Variants in SYT9 observed in about 807,000 individuals in gnomAD.
SYT9 encodes synaptotagmin 9, also known as synaptotagmin-9.
SYT9 carries 22 observed loss-of-function variants against 48.4 expected under a neutral mutation model. The ratio of observed to expected loss-of-function variants is 0.45; its 90% CI spans 0.32 to 0.65. The LOEUF is 0.65. Ranked by LOEUF, SYT9 falls within the 30% of genes least tolerant of loss-of-function variation. The pLI, the probability that SYT9 is intolerant of heterozygous loss-of-function variation, is 0.03. For synonymous variants in SYT9, 265 were observed against 245.0 expected, an observed-to-expected ratio of 1.08 and a Z score of -0.76; for missense variants, 577 against 622.0, an observed-to-expected ratio of 0.93 and a Z score of 0.77.
At chr11:7,308,779 C>T (rs1273735152) in intron 2 of SYT9, among the ~76,000 whole-genome samples, 1 of 152,184 alleles carries the variant, frequency 6.6e-6, no homozygotes, top group Non-Finnish European at 1.5e-5. Flanking sequence ...TCTGCACCTT[C>T]CACCCCATTT....
intron 3 of SYT9, among the ~76,000 whole-genome samples, chr11:7,359,964 CTAGGGTTTTTATGGTTT>C (rs1165319979): frequency 6.6e-6 from 1 of 151,626 alleles, no homozygotes; most frequent in Non-Finnish European, 1.5e-5. Context: ...AGGTTTTCTT[CTAGGGTTTTTATGGTTT>C]TAGGTCTAAC....
intron 3 of SYT9, among the ~76,000 whole-genome samples, chr11:7,407,321 A>G (rs1374979814): frequency 7.2e-6 from 1 of 138,776 alleles, no homozygotes; most frequent in Non-Finnish European, 1.6e-5. Flanking sequence ...CCATTTTTTT[A>G]GTAGTTTTAC....
intron 3 of SYT9, among the ~76,000 whole-genome samples, chr11:7,387,821 T>C (rs1378388600): frequency 2.0e-5 from 3 of 152,190 alleles, no homozygotes; most frequent in Non-Finnish European, 4.4e-5. Context: ...AGTTAAGTTG[T>C]TTAAATTTCA....
rs1386447949 is a variant in SYT9, at chr11:7,417,964, T to C, written c.1173T>C (p.Tyr391=). The C allele has an allele frequency of 1.9e-6, 3 of 1,613,738 alleles. No individual in the cohort carries two copies. The South Asian group carries it at 3.3e-5, about 18-fold the overall frequency. ...TTCTCATGGTCTGTCCAGATCCCTA[T>C]GTGAAAGTCTCGCTGATGTGTGATG... ...AMDITGASDP[Y]VKVSLMCDGR... Residue 391 remains tyrosine, a synonymous_variant, in exon 5 of 7, where the codon TAT becomes TAC. Coordinates refer to ENST00000318881, the MANE Select transcript of SYT9 (RefSeq NM_175733.4).
At chr11:7,348,033 A>G (rs1305831714) in intron 3 of SYT9, among the ~76,000 whole-genome samples, 1 of 152,180 alleles carries the variant, frequency 6.6e-6, no homozygotes, top group Non-Finnish European at 1.5e-5. Flanking sequence ...TTTTCTAACA[A>G]GGGACTTTCC....
chr11:7,309,301 C>A (rs1041196939), intron 2 of SYT9, among the ~76,000 whole-genome samples: 1 of 152,072 alleles, frequency 6.6e-6, no homozygotes, highest in African/African-American at 2.4e-5. Context: ...TAGAGGAGAT[C>A]ATCTCTCAAC....
chr11:7,313,281 C>A, intron 2 of SYT9, 114 bp from the exon 3 acceptor site: 1 of 1,118,900 alleles, frequency 8.9e-7, no homozygotes, highest in Non-Finnish European at 1.2e-6. Flanking sequence ...AAAAGGCCCA[C>A]AGATCTAAGC....
chr11:7,353,630 A>G (rs1849960976), intron 3 of SYT9, among the ~76,000 whole-genome samples: 1 of 152,180 alleles, frequency 6.6e-6, no homozygotes, highest in Non-Finnish European at 1.5e-5. Context: ...CATATCTGCT[A>G]ATCCTATAGT....
chr11:7,328,385 T>C (rs1331890517), intron 3 of SYT9, among the ~76,000 whole-genome samples: 4 of 152,142 alleles, frequency 2.6e-5, no homozygotes. Flanking sequence ...CATTTTACTT[T>C]CTCCCTTCTA....
chr11:7,241,121 C>T (rs1265278212), intron 1 of SYT9, among the ~76,000 whole-genome samples: 1 of 151,946 alleles, frequency 6.6e-6, no homozygotes, highest in African/African-American at 2.4e-5. Context: ...TATATTGCAA[C>T]AGATAGAGTC....
At chr11:7,364,974 G>T (rs1850213452) in intron 3 of SYT9, among the ~76,000 whole-genome samples, 1 of 152,104 alleles carries the variant, frequency 6.6e-6, no homozygotes, top group Non-Finnish European at 1.5e-5. Context: ...TCCCAGACAG[G>T]TTTTATGGAT....
chr11:7,382,189 A>G (rs1464975543), intron 3 of SYT9, among the ~76,000 whole-genome samples: 4 of 152,236 alleles, frequency 2.6e-5, no homozygotes, highest in African/African-American at 9.6e-5. Flanking sequence ...CATAGCAGCC[A>G]TCCTGCCCAA....
chr11:7,302,555 A>T (rs1192736644), intron 1 of SYT9, among the ~76,000 whole-genome samples: 1 of 152,268 alleles, frequency 6.6e-6, no homozygotes, highest in Non-Finnish European at 1.5e-5. Context: ...TAGGAAAAAT[A>T]GAACCAAAAA....
intron 3 of SYT9, 134 bp from the exon 4 acceptor site, chr11:7,415,908 G>A (rs12295054): frequency 0.029 from 32,204 of 1,101,358 alleles, 619 homozygotes; most frequent in Non-Finnish European, 0.036. Flanking sequence ...TGACATGAAC[G>A]GAAGAGATAC....
chr11:7,464,582 A>G (rs1482485394), intron 6 of SYT9, among the ~76,000 whole-genome samples: 7 of 152,194 alleles, frequency 4.6e-5, no homozygotes, highest in Admixed American at 1.3e-4. Context: ...CTGGCATACA[A>G]TAAGTACCCA....
At chr11:7,369,460 T>C (rs1034872678) in intron 3 of SYT9, among the ~76,000 whole-genome samples, 1 of 152,218 alleles carries the variant, frequency 6.6e-6, no homozygotes, top group African/African-American at 2.4e-5. Context: ...TTTCTTTGGC[T>C]GTGTAAAAGC....
At chr11:7,448,825 C>T (rs942709467) in intron 6 of SYT9, among the ~76,000 whole-genome samples, 2 of 152,082 alleles carry the variant, frequency 1.3e-5, no homozygotes, top group Non-Finnish European at 1.5e-5. Flanking sequence ...TCTTTTCAGT[C>T]GTGGCTTCAC....
chr11:7,345,978 C>G (rs1291777268), intron 3 of SYT9, among the ~76,000 whole-genome samples: 21 of 152,140 alleles, frequency 1.4e-4, no homozygotes, highest in Admixed American at 1.4e-3. Flanking sequence ...TTTCAAGGAA[C>G]CAAGAGTGGT....
At chr11:7,255,364 G>A (rs1847948783) in intron 1 of SYT9, among the ~76,000 whole-genome samples, 1 of 133,998 alleles carries the variant, frequency 7.5e-6, no homozygotes, top group Non-Finnish European at 1.6e-5. Flanking sequence ...GGTGGATCAT[G>A]CAGAGTCTTG....
Sources: allele counts gnomAD v4.1 joint callset (sites outside exome capture counted in the v4.1 genomes callset), GRCh38; gene constraint gnomAD v4.1.1; transcripts MANE v1.5; gene names NCBI Gene and HGNC (gene_info 2026-07-23, HGNC 2026-07-21).